Variants in TRAP1 observed in about 807,000 individuals in gnomAD.
The protein encoded by TRAP1 is heat shock protein 75 kDa, mitochondrial.
TRAP1 carries 102 observed loss-of-function variants against 89.1 expected under a neutral mutation model. The ratio of observed to expected loss-of-function variants is 1.15; its 90% CI spans 0.98 to 1.35. The LOEUF is 1.35. TRAP1 is among the 40% of genes most tolerant of loss of function. The probability of loss-of-function intolerance (pLI) is 0.00; values close to 1 mark genes in which losing one functional copy is unlikely to be tolerated. For synonymous variants in TRAP1, 508 were observed against 388.0 expected (o/e 1.31, Z -3.64); for missense variants, 1,256 against 945.3 (o/e 1.33, Z -4.31).
chr16:3,668,368 A>C (rs1444046166), intron 11 of TRAP1, among the ~76,000 whole-genome samples: 1 of 152,120 alleles, frequency 6.6e-6, no homozygotes, highest in Non-Finnish European at 1.5e-5. Flanking sequence ...CCAACACATA[A>C]ATATTTTAAG....
At chr16:3,663,650 G>C in intron 13 of TRAP1, 88 bp from the exon 14 acceptor site, 1 of 1,556,962 alleles carries the variant, frequency 6.4e-7, no homozygotes, top group Non-Finnish European at 8.7e-7. Flanking sequence ...AGGGCTGGGG[G>C]AGCCAAGCGG....
Position 3,710,873 on chromosome 16 carries a change from A to ATTTTTT in TRAP1, c.88+6547_88+6548insAAAAAA, listed in dbSNP as rs199927286. Among the ~76,000 whole-genome samples the ATTTTTT allele has an allele frequency of 4.2e-3, 450 of 105,980 alleles. 3 individuals carry two copies. The highest frequency in any genetic ancestry group is 0.02 in the African/African-American group (416 of 20,620). The allele number at this position is 105,980 out of a possible 152,430, so 69.5% of individuals were successfully genotyped here. On this transcript the variant is annotated intron_variant, in intron 1 of 17. Transcript: ENST00000246957. Reference sequence around the variant, plus strand: ...TGTGTGTGTGTATATATATATATATATATATATTTTTTTTTTTGAGACACT... The same window carrying ATTTTTT: ...TGTGTGTGTGTATATATATATATATATTTTTTTATATATTTTTTTTTTTGAGACACT...
rs1380183729 is a variant in TRAP1 at position 3,662,343 on chromosome 16, C to G, written c.1795-211G>C. On this transcript the variant is annotated intron_variant, in intron 15 of 17. Coordinates refer to ENST00000246957, the MANE Select transcript of TRAP1 (RefSeq NM_016292.3). The stretch of plus-strand genomic sequence containing the variant: ...GCAAAGATACTGTGCCCGAGGGGCT[C>G]CACCACCCTGGTGCCCCGCTGCTGC... 7.7e-6 allele frequency: 5 copies of G among 646,556 alleles called. No homozygotes were observed. The East Asian group carries it at 1.4e-4, about 18-fold the overall frequency. 40.1% of individuals were successfully genotyped at this position (646,556 alleles called of 1,614,324 possible).
At chr16:3,674,148 T>C (rs933371149) in intron 9 of TRAP1, among the ~76,000 whole-genome samples, 191 bp downstream of exon 9, 1 of 152,192 alleles carries the variant, frequency 6.6e-6, no homozygotes, top group African/African-American at 2.4e-5. Context: ...CTGCAACTCC[T>C]GGGCTCAGGT....
At chr16:3,701,410 G>T (rs910067472) in intron 1 of TRAP1, among the ~76,000 whole-genome samples, 1 of 151,934 alleles carries the variant, frequency 6.6e-6, no homozygotes. Flanking sequence ...AACAGAAGCC[G>T]GGCACAGTAG....
intron 14 of TRAP1, 186 bp from the exon 15 acceptor site, chr16:3,663,153 A>C (rs1367554137): frequency 4.8e-5 from 32 of 660,780 alleles, no homozygotes. Context: ...AGGCCCATAC[A>C]ACTTGGTTAG....
intron 8 of TRAP1, chr16:3,674,847 C>T (rs1056101073): frequency 4.0e-5 from 14 of 353,622 alleles, no homozygotes; most frequent in South Asian, 1.0e-4. Context: ...AGCTGAGCCG[C>T]GAGGGGGAAG....
intron 1 of TRAP1, among the ~76,000 whole-genome samples, chr16:3,715,927 A>T (rs2051592507): frequency 6.6e-6 from 1 of 152,162 alleles, no homozygotes; most frequent in South Asian, 2.1e-4. Flanking sequence ...CAGTGGTGCA[A>T]TCTCAGCTCA....
chr16:3,658,388 G>A (rs570533143), intron 17 of TRAP1, 158 bp from the exon 18 acceptor site: 53 of 659,566 alleles, frequency 8.0e-5, no homozygotes, highest in Non-Finnish European at 1.3e-4. Flanking sequence ...CCAAAGTGCT[G>A]GGATTACAGG....
chr16:3,712,863 A>T (rs983138181), intron 1 of TRAP1, among the ~76,000 whole-genome samples: 1 of 151,956 alleles, frequency 6.6e-6, no homozygotes, highest in African/African-American at 2.4e-5. Flanking sequence ...TGATCCACCC[A>T]CCTCGGCCTC....
intron 14 of TRAP1, 127 bp from the exon 15 acceptor site, chr16:3,663,094 A>AT (rs2043176083): frequency 1.3e-6 from 1 of 753,828 alleles, no homozygotes; most frequent in African/African-American, 1.8e-5. Flanking sequence ...AGCTAGCAAG[A>AT]TGCTTTTCAT....
intron 7 of TRAP1, 146 bp downstream of exon 7, chr16:3,675,890 C>G (rs1124486): frequency 7.2e-6 from 5 of 698,726 alleles, no homozygotes; most frequent in East Asian, 5.6e-5. Flanking sequence ...GGCAGCCCCC[C>G]TCCCAGTCCC....
In TRAP1 at chr16:3,661,991, G is replaced by A. The variant is rs2043105052; in HGVS notation, c.1936C>T (p.Pro646Ser). Residue 646 changes from proline to serine, a missense_variant, in exon 16 of 18, where the codon CCC becomes TCC. Pro to Ser is a moderately conservative substitution (Grantham distance 74, BLOSUM62 -1). Coordinates refer to ENST00000246957, the MANE Select transcript of TRAP1 (RefSeq NM_016292.3). ...QLLQPTLEIN[P>S]RHALIKKLNQ... ...GAGCCAGGAGCGTGGCCTCACCTGG[G>A]GTTGATCTCCAGCGTGGGCTGCAGG... 1.2e-6 allele frequency: 2 copies of A among 1,605,696 alleles called. No homozygotes were observed. The highest frequency in any genetic ancestry group is 1.7e-6 in the Non-Finnish European group (2 of 1,175,408).
intron 4 of TRAP1, among the ~76,000 whole-genome samples, chr16:3,681,682 T>C (rs1475388406): frequency 2.6e-5 from 4 of 152,222 alleles, no homozygotes; most frequent in Non-Finnish European, 5.9e-5. Flanking sequence ...CATTTAAGTG[T>C]TTAATACATC....
At position 3,690,952 on chromosome 16, in the gene TRAP1, G is replaced by A. The variant is rs765388146; in HGVS notation, c.122C>T (p.Ala41Val). ...KPILCPRRTT[A>V]QLGPRRNPAW... is the part of the protein sequence containing the mutation. The stretch of plus-strand genomic sequence containing the variant: ...TGGGTTTCGCCTGGGGCCCAACTGG[G>A]CTGTGGTCCTCCGAGGACACAGAAT... Residue 41 changes from alanine (A) to valine (V), a missense_variant, in exon 2 of 18, where the codon GCC becomes GTC. Coordinates refer to ENST00000246957, the MANE Select transcript of TRAP1 (RefSeq NM_016292.3). 4.5e-6 allele frequency: 7 copies of A among 1,570,434 alleles called. No individual in the cohort carries two copies. Among genetic ancestry groups the A allele is most frequent in the Non-Finnish European group, 6.0e-6 (7 of 1,161,052 alleles).
In TRAP1 at chr16:3,711,402, C is replaced by T. The variant is rs560857389; in HGVS notation, c.88+6019G>A. ...GATCACAAGGTCAGAAGTTCAAGAC[C>T]AGCCTGGCCAACATGGTGAAACTCT... On this transcript the variant is annotated intron_variant, in intron 1 of 17. Transcript: ENST00000246957. Among the ~76,000 whole-genome samples, 14 of 152,100 alleles carry T rather than the reference C, an allele frequency of 9.2e-5. No homozygotes were observed. The South Asian group carries it at 2.9e-3, about 32-fold the overall frequency.
intron 1 of TRAP1, among the ~76,000 whole-genome samples, chr16:3,706,920 G>A (rs973654143): frequency 3.3e-5 from 5 of 152,046 alleles, no homozygotes; most frequent in Non-Finnish European, 5.9e-5. Context: ...ATGGTAATTC[G>A]GTTTGACTGT....
At chr16:3,691,315 C>G (rs1251986175) in intron 1 of TRAP1, among the ~76,000 whole-genome samples, 2 of 152,220 alleles carry the variant, frequency 1.3e-5, no homozygotes, top group Non-Finnish European at 2.9e-5. Flanking sequence ...CTCCTGGACT[C>G]AGGCAATGCT....
rs148509693 is a variant in TRAP1, at chr16:3,698,679, G to T, written c.89-7694C>A. Among the ~76,000 whole-genome samples the T allele has an allele frequency of 3.9e-5, 6 of 152,014 alleles. No individual in the cohort carries two copies. The South Asian group carries it at 8.3e-4, about 21-fold the overall frequency. On this transcript the variant is annotated intron_variant, in intron 1 of 17. Transcript: ENST00000246957. ...CCCAGCACTTTGGGAGGCCAAGGCC[G>T]GGGGGTCGCTTCAGCTCAGGAGTTT...
Sources: gnomAD v4.1 joint callset for allele counts (sites outside exome capture counted in the v4.1 genomes callset) on GRCh38, gnomAD v4.1.1 for gene constraint, MANE v1.5 for transcripts, NCBI Gene and HGNC (gene_info 2026-07-23, HGNC 2026-07-21) for gene names.